The following CD109 variants were observed in gnomAD, a reference collection of about 807,000 sequenced individuals.
The protein encoded by CD109 is CD109 antigen.
Under a neutral mutation model 165.8 loss-of-function variants are expected in CD109, and 149 were observed. The observed-to-expected ratio is 0.90, with a 90% CI of 0.79 to 1.03. The LOEUF (loss-of-function observed/expected upper bound fraction) is 1.03, where lower values mean the gene tolerates loss of function less well. CD109 is among the 50% of genes least tolerant of loss of function. The pLI is 0.00. For synonymous variants in CD109, 585 were observed against 592.1 expected (o/e 0.99, Z 0.18); for missense variants, 1,712 against 1,677.8 (o/e 1.02, Z -0.36).
intron 18 of CD109, 28 bp from the exon 19 acceptor site, chr6:73,783,679 A>G (rs943707225): frequency 3.9e-6 from 5 of 1,268,320 alleles, no homozygotes; most frequent in Non-Finnish European, 4.6e-6. Flanking sequence ...TGGTTTTGTG[A>G]TGTTTATATT....
At chr6:73,777,239 C>CATG (rs2150244164) in intron 15 of CD109, among the ~76,000 whole-genome samples, 1 of 151,842 alleles carries the variant, frequency 6.6e-6, no homozygotes, top group South Asian at 2.1e-4. Flanking sequence ...GGATTAGAGG[C>CATG]ATGAGCCACT....
At chr6:73,737,861 C>G (rs1040081949) in intron 5 of CD109, among the ~76,000 whole-genome samples, 11 of 151,412 alleles carry the variant, frequency 7.3e-5, no homozygotes, top group Non-Finnish European at 4.4e-5. Context: ...GATTAGGAAG[C>G]ACGTTGTGAG....
At chr6:73,725,861 T>G (rs1029748005) in intron 3 of CD109, among the ~76,000 whole-genome samples, 9 of 152,232 alleles carry the variant, frequency 5.9e-5, no homozygotes, top group African/African-American at 1.4e-4. Flanking sequence ...AACTCTGACA[T>G]CCAGTATTTG....
intron 29 of CD109, among the ~76,000 whole-genome samples, chr6:73,814,589 A>G (rs1486836615): frequency 1.3e-5 from 2 of 152,148 alleles, no homozygotes; most frequent in Non-Finnish European, 2.9e-5. Context: ...TCCTACTGAG[A>G]GTTTTTGAAG....
At chr6:73,714,580 C>T (rs985940915) in intron 2 of CD109, among the ~76,000 whole-genome samples, 1 of 152,186 alleles carries the variant, frequency 6.6e-6, no homozygotes, top group African/African-American at 2.4e-5. Flanking sequence ...GTTTAACTTT[C>T]CTTTGAAGAG....
At chr6:73,696,121 G>A (rs1770815637), upstream of CD109, 7 of 1,222,210 alleles carry the variant, frequency 5.7e-6, no homozygotes, top group Admixed American at 1.4e-4. Context: ...CGAATTAAGA[G>A]GGAAAAAAAA....
At chr6:73,721,553 A>G (rs1771950028) in intron 2 of CD109, among the ~76,000 whole-genome samples, 1 of 151,588 alleles carries the variant, frequency 6.6e-6, no homozygotes. Context: ...TTTAGTAGAG[A>G]TGGGGTTTCA....
At position 73,762,849 on chromosome 6, in the gene CD109, G is replaced by A; in HGVS notation, c.964G>A (p.Glu322Lys). 6.2e-7 allele frequency: 1 copy of A among 1,612,332 alleles called. No homozygotes were observed. The highest frequency in any genetic ancestry group is 1.1e-5 in the South Asian group (1 of 90,594). Residue 322 changes from glutamate (E) to lysine (K), a missense_variant, in exon 9 of 33, where the codon GAA becomes AAA. Coordinates refer to ENST00000287097, the MANE Select transcript of CD109 (RefSeq NM_133493.5). ...GGATCTATCTTCCCCTGGACCAGTA[G>A]AAATTTTAACCACAGTGACAGAATC... is the stretch of plus-strand genomic sequence containing the variant. ...YLDLSSPGPV[E>K]ILTTVTESVT...
rs770665089 is a variant in CD109, at chr6:73,815,139, G to A, written c.3911+16G>A. The A allele has an allele frequency of 6.5e-7, 1 of 1,546,166 alleles. No individual in the cohort carries two copies. The highest frequency in any genetic ancestry group is 8.6e-7 in the Non-Finnish European group (1 of 1,157,272). ...TGTGTACAAGGTAAGTGTCTGCTTA[G>A]GTCTCTCTTCTTTTTTTCCTTTAAA... On this transcript the variant is annotated intron_variant, in intron 30 of 32. Transcript: ENST00000287097.
chr6:73,756,542 A>T (rs901048035), intron 5 of CD109, 101 bp from the exon 6 acceptor site: 2 of 773,684 alleles, frequency 2.6e-6, no homozygotes, highest in Non-Finnish European at 4.2e-6. Context: ...AATGTAATTT[A>T]AAAATTAATT....
chr6:73,724,529 G>A (rs746223871), intron 3 of CD109, among the ~76,000 whole-genome samples: 13 of 152,078 alleles, frequency 8.5e-5, no homozygotes, highest in Non-Finnish European at 1.8e-4. Context: ...TGAGAACAGA[G>A]GACTAATGAC....
At chr6:73,820,666 G>T in intron 32 of CD109, 103 bp downstream of exon 32, 1 of 601,480 alleles carries the variant, frequency 1.7e-6, no homozygotes, top group Non-Finnish European at 2.8e-6. Flanking sequence ...GCGAGGGCAG[G>T]ATTTGGTAGG....
chr6:73,803,689 T>TTGTGTG (rs71000156), intron 24 of CD109, among the ~76,000 whole-genome samples: 4,617 of 149,346 alleles, frequency 0.031, 180 homozygotes, highest in African/African-American at 0.093. Flanking sequence ...TAGTTTAAGT[T>TTGTGTG]TGTGTGTGTG....
At chr6:73,806,453 T>C (rs1187625323) in intron 24 of CD109, among the ~76,000 whole-genome samples, 2 of 152,134 alleles carry the variant, frequency 1.3e-5, no homozygotes, top group African/African-American at 2.4e-5. Context: ...ATGGCACATG[T>C]ACACATATGT....
At chr6:73,796,415 A>G (rs1167728898) in intron 23 of CD109, among the ~76,000 whole-genome samples, 1 of 152,072 alleles carries the variant, frequency 6.6e-6, no homozygotes, top group African/African-American at 2.4e-5. Context: ...AGGTCTTTCC[A>G]TGGCTGCTCC....
At chr6:73,709,174 TG>T (rs1771426543) in intron 2 of CD109, among the ~76,000 whole-genome samples, 1 of 152,206 alleles carries the variant, frequency 6.6e-6, no homozygotes, top group South Asian at 2.1e-4. Flanking sequence ...AATTAATTTT[TG>T]TATAAGGTGT....
rs1775630096 is a variant in CD109 at position 73,808,030 on chromosome 6, A to T, written c.3190-53A>T. The T allele has an allele frequency of 3.3e-6, 5 of 1,514,146 alleles. No individual in the cohort carries two copies. The African/African-American group carries it at 4.2e-5, about 13-fold the overall frequency. The allele number at this position is 1,514,146 out of a possible 1,614,324, so 93.8% of individuals were successfully genotyped here. ...GTTTCAAAGTACTTTTTGTTTCAGT[A>T]TGTGGTAATGGGTTACTCTGAATAG... On this transcript the variant is annotated intron_variant, in intron 25 of 32. Transcript: ENST00000287097.
At chr6:73,707,128 C>T (rs1250881286) in intron 2 of CD109, among the ~76,000 whole-genome samples, 4 of 152,098 alleles carry the variant, frequency 2.6e-5, no homozygotes, top group Non-Finnish European at 5.9e-5. Flanking sequence ...GTTCGGGTGC[C>T]GTGTTGACAG....
chr6:73,703,864 A>G (rs966769482), intron 2 of CD109, among the ~76,000 whole-genome samples: 7 of 152,148 alleles, frequency 4.6e-5, no homozygotes, highest in Non-Finnish European at 8.8e-5. Flanking sequence ...AGGCTGATTC[A>G]TGGCCTCCCT....
Sources: gnomAD v4.1 joint callset for allele counts (sites outside exome capture counted in the v4.1 genomes callset) on GRCh38, gnomAD v4.1.1 for gene constraint, MANE v1.5 for transcripts, NCBI Gene and HGNC (gene_info 2026-07-23, HGNC 2026-07-21) for gene names.